TMEM108: variants seen among roughly 807,000 people sequenced by gnomAD.
The protein encoded by TMEM108 is transmembrane protein 108.
TMEM108 carries 12 observed loss-of-function variants against 35.1 expected under a neutral mutation model. The ratio of observed to expected loss-of-function variants is 0.34; its 90% CI spans 0.22 to 0.55. The LOEUF is 0.55. TMEM108 is among the 20% of genes least tolerant of loss of function. The probability of loss-of-function intolerance (pLI) is 0.89; values close to 1 mark genes in which losing one functional copy is unlikely to be tolerated. For missense variants in TMEM108, 680 were observed against 753.3 expected (o/e 0.90, Z 1.14); for synonymous variants, 287 against 308.6 (o/e 0.93, Z 0.73).
chr3:133,374,565 C>T (rs79556193), intron 3 of TMEM108, among the ~76,000 whole-genome samples: 9,755 of 50,340 alleles, frequency 0.19, 444 homozygotes, highest in African/African-American at 0.37. Flanking sequence ...TATATATATA[C>T]ACACACACAC....
chr3:133,040,953 T>G (rs1943268661), intron 1 of TMEM108, among the ~76,000 whole-genome samples: 1 of 152,220 alleles, frequency 6.6e-6, no homozygotes, highest in Non-Finnish European at 1.5e-5. Context: ...GGAGGATCTG[T>G]GTCACATTGT....
intron 2 of TMEM108, among the ~76,000 whole-genome samples, chr3:133,112,044 T>G (rs1478185866): frequency 6.6e-6 from 1 of 152,118 alleles, no homozygotes; most frequent in Non-Finnish European, 1.5e-5. Flanking sequence ...TTATCCACAT[T>G]AAGAGCAAGA....
chr3:133,361,195 G>A (rs982396329), intron 3 of TMEM108, among the ~76,000 whole-genome samples: 5 of 152,136 alleles, frequency 3.3e-5, no homozygotes, highest in African/African-American at 4.8e-5. Flanking sequence ...ACATTTCTAG[G>A]CATTGCGACA....
chr3:133,355,944 A>G (rs1314100029), intron 3 of TMEM108, among the ~76,000 whole-genome samples: 2 of 152,174 alleles, frequency 1.3e-5, no homozygotes, highest in African/African-American at 4.8e-5. Flanking sequence ...TATGGGACCT[A>G]AAAAAGAAGA....
At chr3:133,281,729 G>C (rs1559891347) in intron 3 of TMEM108, among the ~76,000 whole-genome samples, 1 of 152,178 alleles carries the variant, frequency 6.6e-6, no homozygotes, top group Non-Finnish European at 1.5e-5. Flanking sequence ...CATTGCCCAA[G>C]TCACTTTCCC....
intron 3 of TMEM108, among the ~76,000 whole-genome samples, chr3:133,267,428 A>G (rs1946715131): frequency 1.3e-5 from 2 of 152,226 alleles, no homozygotes; most frequent in African/African-American, 4.8e-5. Flanking sequence ...TAGAGAGTGG[A>G]TCTCAAAGGA....
chr3:133,202,200 G>T (rs1174898072), intron 2 of TMEM108, among the ~76,000 whole-genome samples: 1 of 152,052 alleles, frequency 6.6e-6, no homozygotes, highest in Non-Finnish European at 1.5e-5. Context: ...GGAGCCCTTT[G>T]TCAGATGGAT....
intron 3 of TMEM108, among the ~76,000 whole-genome samples, chr3:133,330,573 T>C (rs1485101817): frequency 6.6e-6 from 1 of 152,230 alleles, no homozygotes; most frequent in Non-Finnish European, 1.5e-5. Context: ...TTACACAGAT[T>C]ATATCTTGTG....
intron 3 of TMEM108, among the ~76,000 whole-genome samples, chr3:133,299,861 A>G (rs1035731421): frequency 6.2e-4 from 94 of 152,304 alleles, no homozygotes; most frequent in African/African-American, 2.2e-3. Flanking sequence ...AAATGTAATT[A>G]CCATATCCCA....
chr3:133,330,954 T>A (rs1245064362), intron 3 of TMEM108, among the ~76,000 whole-genome samples: 1 of 152,126 alleles, frequency 6.6e-6, no homozygotes, highest in Non-Finnish European at 1.5e-5. Flanking sequence ...AAAATAGTTA[T>A]AATTATCTGA....
chr3:133,151,455 A>C (rs892389084), intron 2 of TMEM108, among the ~76,000 whole-genome samples: 1 of 152,184 alleles, frequency 6.6e-6, no homozygotes, highest in African/African-American at 2.4e-5. Context: ...CATCATAGAA[A>C]TCAAATACAA....
intron 3 of TMEM108, chr3:133,303,358 CTTTCA>C (rs1256586886): frequency 6.6e-6 from 1 of 152,088 alleles, no homozygotes; most frequent in Non-Finnish European, 1.5e-5. Context: ...AAGTTTGGAC[CTTTCA>C]AAGGTAGTGT....
chr3:133,276,277 G>T (rs937806957), intron 3 of TMEM108, among the ~76,000 whole-genome samples: 1 of 152,168 alleles, frequency 6.6e-6, no homozygotes, highest in African/African-American at 2.4e-5. Flanking sequence ...TCAGCAAGTG[G>T]TTACTGATTC....
At chr3:133,157,306 A>G (rs1053371708) in intron 2 of TMEM108, among the ~76,000 whole-genome samples, 2 of 152,068 alleles carry the variant, frequency 1.3e-5, no homozygotes, top group African/African-American at 2.4e-5. Context: ...GTCTACTTCT[A>G]TTTTTCAAAA....
intron 3 of TMEM108, among the ~76,000 whole-genome samples, chr3:133,315,659 C>T (rs1409255195): frequency 1.3e-5 from 2 of 152,230 alleles, no homozygotes. Context: ...CCAAACCCAA[C>T]AGCCACAGTG....
Position 133,113,706 on chromosome 3 carries a change from T to C in TMEM108, c.-47+67686T>C, listed in dbSNP as rs984441015. ...CCCTTGAGTTGAGCCAAATAGAGGC[T>C]GAGTCACCGATGACTGGATGTTATT... is the stretch of plus-strand genomic sequence containing the variant. On this transcript the variant is annotated intron_variant, in intron 2 of 5. Transcript: ENST00000321871. Among the ~76,000 whole-genome samples, 37 of 152,184 alleles carry C rather than the reference T, an allele frequency of 2.4e-4. 1 individual carries two copies. The highest frequency in any genetic ancestry group is 2.4e-3 in the Admixed American group (36 of 15,268).
chr3:133,135,937 G>A (rs527719401), intron 2 of TMEM108, among the ~76,000 whole-genome samples: 7 of 152,244 alleles, frequency 4.6e-5, no homozygotes, highest in Admixed American at 6.5e-5. Flanking sequence ...CAAATGGTGC[G>A]TTGGTTTTAG....
At position 133,322,563 on chromosome 3, in the gene TMEM108, C is replaced by T. The variant is rs368481404; in HGVS notation, c.41-57189C>T. 2.4e-4 allele frequency among the ~76,000 whole-genome samples: 36 copies of T among 152,140 alleles called. No homozygotes were observed. The South Asian group carries it at 6.2e-3, about 26-fold the overall frequency. ...AACAGCAAAAAAATCCAGGACCAGA[C>T]GGATTCACAGCTGAATTCCATCAGG... On this transcript the variant is annotated intron_variant, in intron 3 of 5. Transcript: ENST00000321871.
At chr3:133,326,639 T>G (rs1382618797) in intron 3 of TMEM108, among the ~76,000 whole-genome samples, 2 of 152,158 alleles carry the variant, frequency 1.3e-5, no homozygotes, top group Non-Finnish European at 2.9e-5. Flanking sequence ...TGGGAGTGAC[T>G]GACATTTTCC....
Sources: allele counts gnomAD v4.1 joint callset (sites outside exome capture counted in the v4.1 genomes callset), GRCh38; gene constraint gnomAD v4.1.1; transcripts MANE v1.5; gene names NCBI Gene and HGNC (gene_info 2026-07-23, HGNC 2026-07-21).